TNRC6A: variants seen among roughly 807,000 people sequenced by gnomAD.
TNRC6A encodes the protein trinucleotide repeat-containing gene 6A protein.
Under a neutral mutation model 221.2 loss-of-function variants are expected in TNRC6A, and 44 were observed. The ratio of observed to expected loss-of-function variants is 0.20; its 90% CI spans 0.16 to 0.26. TNRC6A has a LOEUF of 0.26. TNRC6A is among the 10% of genes least tolerant of loss of function. The pLI, the probability that TNRC6A is intolerant of heterozygous loss-of-function variation, is 1.00. For missense variants in TNRC6A, 2,199 were observed against 2,404.4 expected, an observed-to-expected ratio of 0.91 and a Z score of 1.79; for synonymous variants, 847 against 838.5, an observed-to-expected ratio of 1.01 and a Z score of -0.18.
chr16:24,804,447 G>T, intron 12 of TNRC6A, 128 bp downstream of exon 12: 2 of 1,211,398 alleles, frequency 1.7e-6, no homozygotes, highest in Non-Finnish European at 2.2e-6. Flanking sequence ...TCTTATTACT[G>T]GATTTTGAAG....
chr16:24,722,599 A>G (rs1387154037), intron 2 of TNRC6A, among the ~76,000 whole-genome samples: 2 of 151,952 alleles, frequency 1.3e-5, no homozygotes, highest in Non-Finnish European at 2.9e-5. Context: ...ACACCCGGCT[A>G]ATTTTTGTAT....
chr16:24,772,066 A>G (rs1006319797), intron 4 of TNRC6A, among the ~76,000 whole-genome samples: 4 of 152,220 alleles, frequency 2.6e-5, no homozygotes, highest in Non-Finnish European at 4.4e-5. Flanking sequence ...TCTCATCTTT[A>G]CAGAAAGAAC....
rs918270180 is a variant in TNRC6A at position 24,790,653 on chromosome 16, G to C, written c.2011G>C (p.Glu671Gln). 1 of 1,614,104 alleles carries C rather than the reference G, an allele frequency of 6.2e-7. No individual in the cohort carries two copies. Among genetic ancestry groups the C allele is most frequent in the Non-Finnish European group, 8.5e-7 (1 of 1,180,052 alleles). ...SVWAKTGGTV[E>Q]SDGSTESTGR... The stretch of plus-strand genomic sequence containing the variant: ...GTGGGCCAAAACAGGAGGTACAGTG[G>C]AGAGCGATGGTAGTACAGAAAGCAC... The change falls in exon 6 of 25, where the codon GAG becomes CAG. Residue 671 changes from glutamate (E) to glutamine (Q), a missense_variant. This residue lies in a region of TNRC6A where 1,405 missense variants were observed against 1,400.2 expected (regional missense o/e 1.00). Coordinates refer to ENST00000395799, the MANE Select transcript of TNRC6A (RefSeq NM_014494.4).
chr16:24,668,017 C>A (rs1165310899), intron 2 of TNRC6A, among the ~76,000 whole-genome samples: 1 of 151,218 alleles, frequency 6.6e-6, no homozygotes, highest in African/African-American at 2.4e-5. Flanking sequence ...AGAGCAAGAC[C>A]CTGTGTCTTA....
At chr16:24,635,802 T>G (rs145806259) in intron 1 of TNRC6A, among the ~76,000 whole-genome samples, 77 of 152,332 alleles carry the variant, frequency 5.1e-4, no homozygotes, top group African/African-American at 1.9e-3. Flanking sequence ...TACCTTATAT[T>G]TTGGTCTCCA....
intron 4 of TNRC6A, chr16:24,776,464 T>G: frequency 7.1e-6 from 7 of 985,052 alleles, no homozygotes; most frequent in Non-Finnish European, 6.0e-6. Flanking sequence ...TAACCTTGTG[T>G]TGTTCTTGTG....
chr16:24,739,505 G>C (rs1318075305), intron 2 of TNRC6A, among the ~76,000 whole-genome samples: 1 of 128,366 alleles, frequency 7.8e-6, no homozygotes, highest in Non-Finnish European at 1.6e-5. Flanking sequence ...TTGAGACAGA[G>C]TCTTGCTCTG....
intron 5 of TNRC6A, among the ~76,000 whole-genome samples, chr16:24,777,583 G>C (rs918649095): frequency 1.3e-5 from 2 of 152,056 alleles, no homozygotes; most frequent in Non-Finnish European, 2.9e-5. Context: ...TTCAGGTTCT[G>C]CCCATTTTAA....
intron 18 of TNRC6A, among the ~76,000 whole-genome samples, chr16:24,813,301 A>C (rs942327490): frequency 6.6e-6 from 1 of 152,216 alleles, no homozygotes; most frequent in African/African-American, 2.4e-5. Context: ...CCAAATAGTG[A>C]ACATTTTACC....
At chr16:24,639,443 T>C (rs1226222585) in intron 1 of TNRC6A, among the ~76,000 whole-genome samples, 2 of 151,672 alleles carry the variant, frequency 1.3e-5, no homozygotes, top group Admixed American at 6.6e-5. Flanking sequence ...CAGTGAGCTA[T>C]GATCACACCA....
intron 5 of TNRC6A, among the ~76,000 whole-genome samples, chr16:24,780,757 GT>G (rs35114560): frequency 0.55 from 81,657 of 149,014 alleles, 23,100 homozygotes; most frequent in African/African-American, 0.63. Context: ...GTTTGAAGTA[GT>G]TTTTTTTTTT....
At chr16:24,714,882 T>TG (rs2056283348) in intron 2 of TNRC6A, among the ~76,000 whole-genome samples, 1 of 151,460 alleles carries the variant, frequency 6.6e-6, no homozygotes, top group African/African-American at 2.4e-5. Flanking sequence ...TTTTTTTGTT[T>TG]TTTTTTTTTT....
chr16:24,751,341 T>G (rs983646037), intron 3 of TNRC6A, among the ~76,000 whole-genome samples: 1 of 152,220 alleles, frequency 6.6e-6, no homozygotes, highest in Non-Finnish European at 1.5e-5. Flanking sequence ...TTTTCCCTCT[T>G]TATTTAGTAC....
chr16:24,645,543 A>G (rs889410570), intron 2 of TNRC6A, among the ~76,000 whole-genome samples: 3 of 151,794 alleles, frequency 2.0e-5, no homozygotes, highest in African/African-American at 7.3e-5. Flanking sequence ...GAGTTATAGC[A>G]ATTCACCAAT....
At chr16:24,754,447 C>G (rs2057205467) in intron 3 of TNRC6A, among the ~76,000 whole-genome samples, 2 of 151,998 alleles carry the variant, frequency 1.3e-5, no homozygotes, top group Non-Finnish European at 2.9e-5. Context: ...GCCTTTTCAT[C>G]AAAGATTATG....
At chr16:24,795,669 A>G (rs1271102171) in intron 8 of TNRC6A, 10 of 404,904 alleles carry the variant, frequency 2.5e-5, no homozygotes, top group African/African-American at 8.2e-5. Context: ...GAATTTGCCT[A>G]TTGCCTTGCC....
At chr16:24,735,586 T>C (rs909631292) in intron 2 of TNRC6A, among the ~76,000 whole-genome samples, 1 of 152,144 alleles carries the variant, frequency 6.6e-6, no homozygotes, top group Non-Finnish European at 1.5e-5. Flanking sequence ...ATAGGATAAA[T>C]TAATCACAAT....
rs2151996029 is a variant in TNRC6A at position 24,806,595 on chromosome 16, C to G, written c.4351C>G (p.Gln1451Glu). The change falls in exon 17 of 25, where the codon CAG becomes GAG. Residue 1451 changes from glutamine (Q) to glutamate (E), a missense_variant. This residue lies in a region of TNRC6A where 449 missense variants were observed against 579.7 expected (regional missense o/e 0.77). Coordinates refer to ENST00000395799, the MANE Select transcript of TNRC6A (RefSeq NM_014494.4). ...DQQGRPLSVQ[Q>E]QMMQQSRQLD... ...TAAGGGTCGACCTCTTAGTGTGCAG[C>G]AGCAAATGATGCAACAATCTCGTCA... is the stretch of plus-strand genomic sequence containing the variant. The G allele has an allele frequency of 6.2e-7, 1 of 1,614,162 alleles. No individual in the cohort carries two copies. The highest frequency in any genetic ancestry group is 8.5e-7 in the Non-Finnish European group (1 of 1,180,036).
upstream of TNRC6A, among the ~76,000 whole-genome samples, chr16:24,725,702 C>T (rs2056479194): frequency 6.6e-6 from 1 of 150,876 alleles, no homozygotes; most frequent in South Asian, 2.1e-4. Context: ...TTTTTGTTTG[C>T]TTAAGAAAAA....
Sources: allele counts gnomAD v4.1 joint callset (sites outside exome capture counted in the v4.1 genomes callset), GRCh38; gene constraint gnomAD v4.1.1; regional missense constraint gnomAD v4.1.1; transcripts MANE v1.5; gene names NCBI Gene and HGNC (gene_info 2026-07-23, HGNC 2026-07-21).